RBL1: variants seen among roughly 807,000 people sequenced by gnomAD.
RBL1 encodes RB transcriptional corepressor like 1.
In RBL1, 82 loss-of-function variants were observed where a neutral mutation model predicts 123.0. That is an observed-to-expected ratio of 0.67 (90% CI 0.56 to 0.80). The LOEUF is 0.80. Ranked by LOEUF, RBL1 falls within the 30% of genes least tolerant of loss-of-function variation. The probability of loss-of-function intolerance (pLI) is 0.00; values close to 1 mark genes in which losing one functional copy is unlikely to be tolerated. For synonymous variants in RBL1, 405 were observed against 441.3 expected (o/e 0.92, Z 1.03); for missense variants, 1,171 against 1,299.6 (o/e 0.90, Z 1.52).
chr20:37,060,740 G>A (rs548064516), intron 9 of RBL1, among the ~76,000 whole-genome samples: 71 of 151,794 alleles, frequency 4.7e-4, no homozygotes, highest in Admixed American at 3.3e-3. Context: ...CTGTGATTGC[G>A]GCACTGCACT....
chr20:37,091,083 G>A (rs2065638292), intron 1 of RBL1, among the ~76,000 whole-genome samples: 1 of 152,186 alleles, frequency 6.6e-6, no homozygotes, highest in African/African-American at 2.4e-5. Context: ...ATAGGCCGGT[G>A]CGGTGGCTCA....
At chr20:37,011,855 ACTCCCTCTCCCACTCCCTCTCCCCACGGT>A (rs1420895170) in intron 19 of RBL1, among the ~76,000 whole-genome samples, 2 of 151,236 alleles carry the variant, frequency 1.3e-5, no homozygotes, top group Non-Finnish European at 2.9e-5. Context: ...AAAATATTTG[ACTCCCTCTCCCACTCCCTCTCCCCACGGT>A]CTCCCTCTCC....
At chr20:37,032,387 A>T (rs2064527094) in intron 16 of RBL1, among the ~76,000 whole-genome samples, 1 of 152,200 alleles carries the variant, frequency 6.6e-6, no homozygotes, top group East Asian at 1.9e-4. Context: ...AGAAACAGAA[A>T]GTAGAATAGT....
chr20:37,014,881 A>C (rs1406835309), intron 19 of RBL1, among the ~76,000 whole-genome samples: 1 of 151,968 alleles, frequency 6.6e-6, no homozygotes, highest in Admixed American at 6.6e-5. Context: ...TGGCCAACAT[A>C]GCAAAACCCC....
chr20:37,068,005 G>A lies in RBL1; in HGVS notation c.472C>T (p.Pro158Ser). 6.2e-7 allele frequency: 1 copy of A among 1,613,490 alleles called. No individual in the cohort carries two copies. The highest frequency in any genetic ancestry group is 8.5e-7 in the Non-Finnish European group (1 of 1,179,896). ...QNPYEEPPKL[P>S]RSRKQRRIPC... ...GCTCACCTCTGCTTCCGGCTTCGTG[G>A]TAACTTTGGTGGTTCTTCATATGGA... Residue 158 changes from proline to serine, a missense_variant, in exon 3 of 22, where the codon CCA (proline) becomes TCA (serine). Coordinates refer to ENST00000373664, the MANE Select transcript of RBL1 (RefSeq NM_002895.5).
intron 9 of RBL1, 53 bp downstream of exon 9, chr20:37,061,050 C>T: frequency 1.4e-6 from 2 of 1,451,970 alleles, no homozygotes; most frequent in South Asian, 1.5e-5. Context: ...TAGAATGGAA[C>T]AAGAAATCTA....
intron 16 of RBL1, among the ~76,000 whole-genome samples, chr20:37,025,930 A>C (rs1600486386): frequency 6.6e-6 from 1 of 152,122 alleles, no homozygotes; most frequent in East Asian, 1.9e-4. Flanking sequence ...TTTTAAGTAG[A>C]GATGGGGTTT....
intron 18 of RBL1, among the ~76,000 whole-genome samples, chr20:37,020,304 G>T (rs554347930): frequency 2.6e-5 from 4 of 152,116 alleles, no homozygotes; most frequent in African/African-American, 9.6e-5. Context: ...GGCCAGGCTG[G>T]TCTCGAACTC....
chr20:37,088,864 AAAATAAATAAAT>A lies in RBL1; in HGVS notation c.290+113_290+124del, dbSNP rs535306752. On this transcript the variant is annotated intron_variant, in intron 2 of 21. Transcript: ENST00000373664. ...GCTGGCACAGTGAGACTGCGTCTCA[AAAATAAATAAAT>A]AAATAAATAAATAAAATAAAAATTA... The A allele has an allele frequency of 3.0e-5, 19 of 638,080 alleles. No individual in the cohort carries two copies. The East Asian group carries it at 6.1e-4, about 21-fold the overall frequency. The allele number at this position is 638,080 out of a possible 1,614,324, so 39.5% of individuals were successfully genotyped here. A position where few individuals can be genotyped will look rare whatever the true frequency, so the allele number is the denominator to read the frequency against.
At chr20:37,023,818 GC>G (rs1412195623) in intron 16 of RBL1, among the ~76,000 whole-genome samples, 3 of 131,014 alleles carry the variant, frequency 2.3e-5, no homozygotes, top group African/African-American at 5.8e-5. Flanking sequence ...TCACTCTGTA[GC>G]CTAAGTTGGA....
chr20:37,007,369 A>G (rs2064091389), intron 20 of RBL1, 42 bp downstream of exon 20: 2 of 1,587,836 alleles, frequency 1.3e-6, no homozygotes, highest in Non-Finnish European at 1.7e-6. Context: ...TAATCCAACT[A>G]TGACAGCAAA....
rs552051360 is a variant in RBL1 at position 36,997,482 on chromosome 20, T to G, written c.*1277A>C. 6.6e-6 allele frequency: 1 copy of G among 152,190 alleles called. No individual in the cohort carries two copies. The highest frequency in any genetic ancestry group is 1.5e-5 in the Non-Finnish European group (1 of 68,038). 9.4% of individuals were successfully genotyped at this position (152,190 alleles called of 1,614,324 possible). A position where few individuals can be genotyped will look rare whatever the true frequency, so the allele number is the denominator to read the frequency against. ...AGTGTGGGAAGTAATAAGCAGCTATTTTACTGATGTATTAAATATATTAGA... is the reference window on the plus strand; with the variant it reads ...AGTGTGGGAAGTAATAAGCAGCTATGTTACTGATGTATTAAATATATTAGA... On this transcript the variant is annotated 3_prime_UTR_variant, in exon 22 of 22. Transcript: ENST00000373664.
chr20:37,049,770 G>A, intron 11 of RBL1: 1 of 515,672 alleles, frequency 1.9e-6, no homozygotes, highest in Non-Finnish European at 3.4e-6. Context: ...ATTTTTTAGA[G>A]AGAGAAAAAA....
chr20:37,071,412 T>C (rs936161083), intron 2 of RBL1, among the ~76,000 whole-genome samples: 2 of 152,038 alleles, frequency 1.3e-5, no homozygotes, highest in African/African-American at 2.4e-5. Flanking sequence ...TCCCAACACT[T>C]TGGGAGGGTG....
intron 11 of RBL1, among the ~76,000 whole-genome samples, chr20:37,050,228 A>C (rs183500973): frequency 1.3e-5 from 2 of 152,208 alleles, no homozygotes; most frequent in African/African-American, 4.8e-5. Flanking sequence ...GGACTAGATG[A>C]AAAGTTGAGT....
intron 11 of RBL1, among the ~76,000 whole-genome samples, chr20:37,053,462 T>C (rs1292216432): frequency 6.6e-6 from 1 of 152,160 alleles, no homozygotes; most frequent in East Asian, 1.9e-4. Flanking sequence ...TATGATGAAA[T>C]GGTGTCCTGA....
At chr20:37,048,517 G>A (rs2064852043) in intron 11 of RBL1, among the ~76,000 whole-genome samples, 1 of 152,118 alleles carries the variant, frequency 6.6e-6, no homozygotes, top group Admixed American at 6.6e-5. Flanking sequence ...TTACAGATAT[G>A]TCTCTGGAGA....
chr20:37,019,170 A>C (rs1219808576), intron 18 of RBL1, among the ~76,000 whole-genome samples: 1 of 151,776 alleles, frequency 6.6e-6, no homozygotes, highest in African/African-American at 2.4e-5. Flanking sequence ...TGGCCTCCTT[A>C]ACTGGTGGGA....
chr20:37,044,165 T>G lies in RBL1; in HGVS notation c.1691A>C (p.Glu564Ala). The G allele has an allele frequency of 6.2e-7, 1 of 1,612,912 alleles. No homozygotes were observed. The highest frequency in any genetic ancestry group is 8.5e-7 in the Non-Finnish European group (1 of 1,179,738). Residue 564 changes from glutamate (E) to alanine (A), a missense_variant, in exon 13 of 22, where the codon GAG becomes GCG. Glu to Ala is a moderately radical substitution (Grantham distance 107). Coordinates refer to ENST00000373664, the MANE Select transcript of RBL1 (RefSeq NM_002895.5). ...AGAATCGTGACTCCATGCTAAACTC[T>G]CCAAAATCTGTTCTTCAATGCTGTT... ...HLNSIEEQIL[E>A]SLAWSHDSAL...
Sources: allele counts gnomAD v4.1 joint callset (sites outside exome capture counted in the v4.1 genomes callset), GRCh38; gene constraint gnomAD v4.1.1; transcripts MANE v1.5; gene names NCBI Gene and HGNC (gene_info 2026-07-23, HGNC 2026-07-21).